The following FHOD3 variants were observed in gnomAD, a reference collection of about 807,000 sequenced individuals.
FHOD3 encodes FH1/FH2 domain-containing protein 3.
Under a neutral mutation model 173.0 loss-of-function variants are expected in FHOD3, and 90 were observed. The observed-to-expected ratio is 0.52, with a 90% CI of 0.44 to 0.62. The LOEUF (loss-of-function observed/expected upper bound fraction) is 0.62. Ranked by LOEUF, FHOD3 falls within the 20% of genes least tolerant of loss-of-function variation. FHOD3 has a pLI of 0.00. For synonymous variants in FHOD3, 828 were observed against 823.0 expected (o/e 1.01, Z -0.10); for missense variants, 1,945 against 2,034.7 (o/e 0.96, Z 0.85).
chr18:36,299,347 T>C (rs2144315876), intron 1 of FHOD3, among the ~76,000 whole-genome samples: 1 of 152,344 alleles, frequency 6.6e-6, no homozygotes, highest in African/African-American at 2.4e-5. Flanking sequence ...TGATGTATTC[T>C]GGATTCAGCT....
chr18:36,458,666 GTTTTT>G lies in FHOD3; in HGVS notation c.338-43248_338-43244del, dbSNP rs35141522. 7.5e-3 allele frequency among the ~76,000 whole-genome samples: 786 copies of G among 104,740 alleles called. 7 individuals carry two copies. Among genetic ancestry groups the G allele is most frequent in the African/African-American group, 0.025 (716 of 28,722 alleles). 68.7% of individuals were successfully genotyped at this position (104,740 alleles called of 152,430 possible). A position where few individuals can be genotyped will look rare whatever the true frequency, so the allele number is the denominator to read the frequency against. On this transcript the variant is annotated intron_variant, in intron 3 of 28. Transcript: ENST00000590592. Reference sequence around the variant, plus strand: ...GGTTTTCTGGTTTGTTTTTTGTTAGGTTTTTTTTTTTTTTTTTTTTTTGGAAAAAT... The same window carrying G: ...GGTTTTCTGGTTTGTTTTTTGTTAGGTTTTTTTTTTTTTTTTTGGAAAAAT...
intron 3 of FHOD3, among the ~76,000 whole-genome samples, chr18:36,493,340 G>A (rs1355136600): frequency 1.3e-5 from 2 of 150,436 alleles, no homozygotes; most frequent in African/African-American, 2.5e-5. Context: ...TAAAGTTTTC[G>A]TGATGCCACA....
At chr18:36,360,199 G>C (rs2145845496) in intron 2 of FHOD3, among the ~76,000 whole-genome samples, 1 of 152,338 alleles carries the variant, frequency 6.6e-6, no homozygotes, top group South Asian at 2.1e-4. Flanking sequence ...GTATTTGGAA[G>C]GTGCAGCCAG....
At chr18:36,409,398 C>T (rs562688579) in intron 3 of FHOD3, among the ~76,000 whole-genome samples, 3 of 152,288 alleles carry the variant, frequency 2.0e-5, no homozygotes, top group South Asian at 4.1e-4. Context: ...TCACCTTCCT[C>T]ACCTGGCTAG....
chr18:36,544,017 G>A (rs12958886), intron 5 of FHOD3, among the ~76,000 whole-genome samples: 65,916 of 151,976 alleles, frequency 0.43, 14,618 homozygotes, highest in Non-Finnish European at 0.49. Context: ...ATGTAAGATG[G>A]TTTTAACATC....
intron 1 of FHOD3, among the ~76,000 whole-genome samples, chr18:36,322,919 A>G (rs28473119): frequency 0.086 from 13,094 of 152,176 alleles, 1,825 homozygotes; most frequent in African/African-American, 0.29. Context: ...GCTGCTGGGC[A>G]CTGCCACCTG....
At chr18:36,300,564 G>T (rs547578132) in intron 1 of FHOD3, among the ~76,000 whole-genome samples, 2 of 152,246 alleles carry the variant, frequency 1.3e-5, no homozygotes, top group South Asian at 4.2e-4. Flanking sequence ...GGGCCACAGG[G>T]CGTGCTTCTT....
At chr18:36,525,461 C>T (rs182937624) in intron 5 of FHOD3, among the ~76,000 whole-genome samples, 5 of 152,212 alleles carry the variant, frequency 3.3e-5, no homozygotes, top group East Asian at 3.9e-4. Flanking sequence ...AAGACCCAGT[C>T]GGGCCATGCC....
chr18:36,438,108 A>T (rs896223466), intron 3 of FHOD3, among the ~76,000 whole-genome samples: 2 of 152,156 alleles, frequency 1.3e-5, no homozygotes, highest in Non-Finnish European at 1.5e-5. Flanking sequence ...AACCTCCATG[A>T]AGACCTCAAA....
intron 20 of FHOD3, among the ~76,000 whole-genome samples, chr18:36,732,029 C>A (rs1436700037): frequency 6.6e-6 from 1 of 152,230 alleles, no homozygotes; most frequent in Non-Finnish European, 1.5e-5. Flanking sequence ...AATCCAATGA[C>A]TGGTATCCTT....
chr18:36,337,221 A>G (rs973153461), intron 1 of FHOD3, among the ~76,000 whole-genome samples: 1 of 151,962 alleles, frequency 6.6e-6, no homozygotes. Context: ...CAGATTCTCC[A>G]GACTCACAAA....
At chr18:36,753,670 A>G (rs2042502700) in intron 24 of FHOD3, among the ~76,000 whole-genome samples, 1 of 152,202 alleles carries the variant, frequency 6.6e-6, no homozygotes, top group South Asian at 2.1e-4. Context: ...TTATCTTCCT[A>G]CCAGCACTGT....
intron 6 of FHOD3, among the ~76,000 whole-genome samples, chr18:36,590,785 G>C (rs1176238579): frequency 6.6e-6 from 1 of 152,196 alleles, no homozygotes; most frequent in Admixed American, 6.5e-5. Flanking sequence ...GAGACCAATA[G>C]AAAAAGGAGG....
Position 36,512,361 on chromosome 18 carries a change from A to G in FHOD3, c.406-77A>G. Reference sequence around the variant, plus strand: ...CCATTCTGGCTTTAAAGGCTTGTACATAGTTTTAGCAGCACAGCTGGGATG... The same window carrying G: ...CCATTCTGGCTTTAAAGGCTTGTACGTAGTTTTAGCAGCACAGCTGGGATG... On this transcript the variant is annotated intron_variant, in intron 4 of 28. Coordinates refer to ENST00000590592, the MANE Select transcript of FHOD3 (RefSeq NM_001281740.3). 4 of 1,081,846 alleles carry G rather than the reference A, an allele frequency of 3.7e-6. No individual in the cohort carries two copies. The South Asian group carries it at 5.2e-5, about 14-fold the overall frequency. The allele number at this position is 1,081,846 out of a possible 1,614,324, so 67.0% of individuals were successfully genotyped here.
chr18:36,700,256 C>T (rs562129991), intron 17 of FHOD3, among the ~76,000 whole-genome samples: 3 of 152,180 alleles, frequency 2.0e-5, no homozygotes, highest in South Asian at 4.2e-4. Flanking sequence ...GAGCTCAGGG[C>T]GTGTGTATTG....
rs1190386880 is a variant in FHOD3, at chr18:36,324,122, C to G, written c.165+26122C>G. 2.0e-5 allele frequency among the ~76,000 whole-genome samples: 3 copies of G among 152,184 alleles called. No individual in the cohort carries two copies. The East Asian group carries it at 5.8e-4, about 29-fold the overall frequency. Reference sequence around the variant, plus strand: ...GTCCCAAAGCATAGCCACACACATGCAATGGGACAAGATTTGTCCTTTCAC... The same window carrying G: ...GTCCCAAAGCATAGCCACACACATGGAATGGGACAAGATTTGTCCTTTCAC... On this transcript the variant is annotated intron_variant, in intron 1 of 28. Coordinates refer to ENST00000590592, the MANE Select transcript of FHOD3 (RefSeq NM_001281740.3).
At chr18:36,638,467 A>G (rs997477530) in intron 10 of FHOD3, among the ~76,000 whole-genome samples, 3 of 152,298 alleles carry the variant, frequency 2.0e-5, no homozygotes, top group Non-Finnish European at 2.9e-5. Flanking sequence ...TGTGAGGCTC[A>G]GTTGTGCACA....
chr18:36,402,401 C>T (rs2048858211), intron 3 of FHOD3, among the ~76,000 whole-genome samples: 1 of 151,926 alleles, frequency 6.6e-6, no homozygotes, highest in Non-Finnish European at 1.5e-5. Context: ...GATATTTTCT[C>T]ATATATATGT....
intron 5 of FHOD3, 51 bp from the exon 6 acceptor site, chr18:36,576,400 T>C (rs747291797): frequency 9.7e-6 from 13 of 1,345,188 alleles, no homozygotes; most frequent in Admixed American, 9.4e-5. Flanking sequence ...CACTGAAGAT[T>C]ATATTTCTAT....
Sources: allele counts gnomAD v4.1 joint callset (sites outside exome capture counted in the v4.1 genomes callset), GRCh38; gene constraint gnomAD v4.1.1; transcripts MANE v1.5; gene names NCBI Gene and HGNC (gene_info 2026-07-23, HGNC 2026-07-21).